SLC25A26: variants seen among roughly 807,000 people sequenced by gnomAD.
SLC25A26 encodes the protein solute carrier family 25 member 26, also known as mitochondrial S-adenosylmethionine carrier protein.
A neutral mutation model predicts 37.8 loss-of-function variants in SLC25A26; 36 were observed. The observed-to-expected ratio is 0.95, with a 90% CI of 0.73 to 1.26. SLC25A26 has a LOEUF of 1.26. Ranked by LOEUF, SLC25A26 falls within the 50% of genes most tolerant of loss-of-function variation. The pLI, the probability that SLC25A26 is intolerant of heterozygous loss-of-function variation, is 0.00. For missense variants in SLC25A26, 390 were observed against 331.1 expected, an observed-to-expected ratio of 1.18 and a Z score of -1.38; for synonymous variants, 129 against 122.5, an observed-to-expected ratio of 1.05 and a Z score of -0.35.
At chr3:66,325,477 C>T (rs1172987242) in intron 5 of SLC25A26, among the ~76,000 whole-genome samples, 3 of 152,186 alleles carry the variant, frequency 2.0e-5, no homozygotes, top group Non-Finnish European at 2.9e-5. Context: ...ATGAAACCAA[C>T]ATTGTTTAAT....
intron 1 of SLC25A26, among the ~76,000 whole-genome samples, chr3:66,195,805 G>A (rs1294858318): frequency 2.0e-5 from 3 of 152,348 alleles, no homozygotes; most frequent in Non-Finnish European, 2.9e-5. Context: ...ATAATTTGGT[G>A]ACAAAAGAAA....
At chr3:66,194,879 G>T (rs1354347614) in intron 1 of SLC25A26, among the ~76,000 whole-genome samples, 1 of 152,194 alleles carries the variant, frequency 6.6e-6, no homozygotes, top group Non-Finnish European at 1.5e-5. Flanking sequence ...GGGATTACAG[G>T]CGTGAGACAC....
chr3:66,274,687 A>G (rs1305878106), intron 5 of SLC25A26, among the ~76,000 whole-genome samples: 2 of 152,248 alleles, frequency 1.3e-5, no homozygotes, highest in African/African-American at 4.8e-5. Flanking sequence ...AATGCAAATC[A>G]AAACCACAAT....
intron 1 of SLC25A26, among the ~76,000 whole-genome samples, chr3:66,160,259 G>A (rs1338810793): frequency 3.3e-5 from 5 of 152,094 alleles, no homozygotes; most frequent in Non-Finnish European, 7.4e-5. Context: ...CAAAGTGCTG[G>A]GATTACAGGT....
At chr3:66,201,148 A>C (rs1453289320) in intron 1 of SLC25A26, among the ~76,000 whole-genome samples, 6 of 152,138 alleles carry the variant, frequency 3.9e-5, no homozygotes, top group Non-Finnish European at 8.8e-5. Flanking sequence ...TGAGACCAGT[A>C]AGAAATGAGG....
intron 3 of SLC25A26, among the ~76,000 whole-genome samples, chr3:66,246,173 G>T (rs1275552439): frequency 1.3e-5 from 2 of 152,094 alleles, no homozygotes; most frequent in African/African-American, 2.4e-5. Context: ...ATTAATTTAG[G>T]TGATTATGTC....
At chr3:66,146,803 C>T (rs1478408194) in intron 1 of SLC25A26, among the ~76,000 whole-genome samples, 7 of 152,074 alleles carry the variant, frequency 4.6e-5, no homozygotes, top group Non-Finnish European at 1.0e-4. Flanking sequence ...GTACATTGTA[C>T]TCACTATGTA....
At chr3:66,170,185 C>T (rs1270673983) in intron 1 of SLC25A26, among the ~76,000 whole-genome samples, 1 of 152,212 alleles carries the variant, frequency 6.6e-6, no homozygotes, top group African/African-American at 2.4e-5. Flanking sequence ...GGTATCTAAG[C>T]AGTTTGTGTA....
At chr3:66,314,813 T>C (rs1396241967) in intron 5 of SLC25A26, among the ~76,000 whole-genome samples, 2 of 151,910 alleles carry the variant, frequency 1.3e-5, no homozygotes, top group African/African-American at 4.8e-5. Flanking sequence ...AGGTTATTGG[T>C]CTAGTCAGAG....
At chr3:66,288,456 G>T (rs996152821) in intron 5 of SLC25A26, among the ~76,000 whole-genome samples, 4 of 152,036 alleles carry the variant, frequency 2.6e-5, no homozygotes, top group African/African-American at 7.2e-5. Context: ...TATTTATCCT[G>T]ATGCTATCCC....
intron 5 of SLC25A26, among the ~76,000 whole-genome samples, chr3:66,273,577 A>G (rs2074029549): frequency 6.6e-6 from 1 of 152,144 alleles, no homozygotes; most frequent in Admixed American, 6.6e-5. Flanking sequence ...AAATCAATGT[A>G]CAAAAATCAC....
chr3:66,253,849 G>A (rs1239713663), intron 3 of SLC25A26, among the ~76,000 whole-genome samples: 1 of 152,142 alleles, frequency 6.6e-6, no homozygotes, highest in African/African-American at 2.4e-5. Context: ...CACCTCCTGT[G>A]AAATCATGGC....
intron 5 of SLC25A26, among the ~76,000 whole-genome samples, chr3:66,303,133 C>T (rs1280477073): frequency 6.6e-6 from 1 of 152,188 alleles, no homozygotes; most frequent in Non-Finnish European, 1.5e-5. Flanking sequence ...ATGGTCTAGT[C>T]ACTGTTGACA....
intron 5 of SLC25A26, among the ~76,000 whole-genome samples, chr3:66,313,286 C>G (rs2075435828): frequency 6.6e-6 from 1 of 152,116 alleles, no homozygotes; most frequent in Admixed American, 6.5e-5. Context: ...TTTGATCCAT[C>G]TTGAGTTAAT....
chr3:66,355,907 C>T (rs2107780244), intron 6 of SLC25A26: 1 of 426,568 alleles, frequency 2.3e-6, no homozygotes, highest in South Asian at 1.7e-5. Context: ...AAGCATTATC[C>T]TTTCCATTAT....
Position 66,308,125 on chromosome 3 carries a change from A to G in SLC25A26, c.454-38239A>G, listed in dbSNP as rs146698145. Reference sequence around the variant, plus strand: ...CATTTTCATGATATTGATTCTTCCTATCCATGAGCATGGAGTGTTTTTCCA... The same window carrying G: ...CATTTTCATGATATTGATTCTTCCTGTCCATGAGCATGGAGTGTTTTTCCA... On this transcript the variant is annotated intron_variant, in intron 5 of 9. Transcript: ENST00000354883. Among the ~76,000 whole-genome samples, 744 of 152,220 alleles carry G rather than the reference A, an allele frequency of 4.9e-3. 11 individuals are homozygous for G. The highest frequency in any genetic ancestry group is 0.013 in the African/African-American group (545 of 41,516).
chr3:66,146,540 C>T (rs1453702496), intron 1 of SLC25A26, among the ~76,000 whole-genome samples: 1 of 151,560 alleles, frequency 6.6e-6, no homozygotes, highest in Admixed American at 6.6e-5. Context: ...ATTATTTGTA[C>T]ATATGGGGGG....
At chr3:66,322,730 G>T (rs2075729449) in intron 5 of SLC25A26, among the ~76,000 whole-genome samples, 1 of 151,634 alleles carries the variant, frequency 6.6e-6, no homozygotes, top group Non-Finnish European at 1.5e-5. Flanking sequence ...ACTTCTAACT[G>T]AATTTATAGC....
chr3:66,313,908 T>G (rs753863694), intron 5 of SLC25A26, among the ~76,000 whole-genome samples: 3 of 152,192 alleles, frequency 2.0e-5, no homozygotes, highest in Non-Finnish European at 4.4e-5. Context: ...CATTCATGAT[T>G]TGGCTCTCTG....
Sources: gnomAD v4.1 joint callset for allele counts (sites outside exome capture counted in the v4.1 genomes callset) on GRCh38, gnomAD v4.1.1 for gene constraint, MANE v1.5 for transcripts, NCBI Gene and HGNC (gene_info 2026-07-23, HGNC 2026-07-21) for gene names.